RABGAP1L: variants seen among roughly 807,000 people sequenced by gnomAD.
RABGAP1L encodes the protein RAB GTPase activating protein 1 like, also known as rab GTPase-activating protein 1-like.
Under a neutral mutation model 137.7 loss-of-function variants are expected in RABGAP1L, and 63 were observed. That is an observed-to-expected ratio of 0.46 (90% CI 0.37 to 0.56). RABGAP1L has a LOEUF of 0.56. RABGAP1L is among the 20% of genes least tolerant of loss of function. The probability of loss-of-function intolerance (pLI) is 0.00; values close to 1 mark genes in which losing one functional copy is unlikely to be tolerated. For synonymous variants in RABGAP1L, 431 were observed against 433.7 expected (o/e 0.99, Z 0.08); for missense variants, 1,095 against 1,244.0 (o/e 0.88, Z 1.80).
rs1271300354 is a variant in RABGAP1L at position 174,241,664 on chromosome 1, A to G, written c.717+7A>G. The G allele has an allele frequency of 3.1e-6, 5 of 1,596,466 alleles. No homozygotes were observed. The highest frequency in any genetic ancestry group is 1.1e-5 in the South Asian group (1 of 88,940). ...CTGTGAAATTAAAGAGGCAGTAAGT[A>G]TAATATAGTATAGCAATTTGCTATA... is the stretch of plus-strand genomic sequence containing the variant. On this transcript the variant is annotated splice_region_variant and intron_variant, in intron 5 of 25. Coordinates refer to ENST00000681986, the MANE Select transcript of RABGAP1L (RefSeq NM_001366446.1).
intron 19 of RABGAP1L, chr1:174,896,852 A>T (rs1050407977): frequency 6.6e-6 from 1 of 152,124 alleles, no homozygotes; most frequent in East Asian, 1.9e-4. Flanking sequence ...GCCTTGTAGT[A>T]TAGTTTGAAG....
rs148126624 is a variant in RABGAP1L at position 174,266,648 on chromosome 1, T to C, written c.987-5766T>C. Reference sequence around the variant, plus strand: ...CATACATGATTAGTGACCAATCATGTCGCTTCTTCCAAAGTCTGTTGGTGA... The same window carrying C: ...CATACATGATTAGTGACCAATCATGCCGCTTCTTCCAAAGTCTGTTGGTGA... On this transcript the variant is annotated intron_variant, in intron 7 of 25. Coordinates refer to ENST00000681986, the MANE Select transcript of RABGAP1L (RefSeq NM_001366446.1). Among the ~76,000 whole-genome samples, 781 of 152,324 alleles carry C rather than the reference T, an allele frequency of 5.1e-3. 8 individuals carry two copies. The highest frequency in any genetic ancestry group is 0.017 in the African/African-American group (696 of 41,574).
At chr1:174,623,431 G>A (rs1672697066) in intron 13 of RABGAP1L, among the ~76,000 whole-genome samples, 1 of 152,160 alleles carries the variant, frequency 6.6e-6, no homozygotes, top group Non-Finnish European at 1.5e-5. Flanking sequence ...CATGCTCATG[G>A]AAGCTGACAG....
At chr1:174,707,496 G>A (rs1176792483) in intron 17 of RABGAP1L, among the ~76,000 whole-genome samples, 1 of 152,170 alleles carries the variant, frequency 6.6e-6, no homozygotes, top group African/African-American at 2.4e-5. Context: ...TGACATTTGA[G>A]TTAGGATATT....
intron 17 of RABGAP1L, among the ~76,000 whole-genome samples, chr1:174,729,149 A>G (rs1168062603): frequency 6.6e-6 from 1 of 152,220 alleles, no homozygotes; most frequent in Non-Finnish European, 1.5e-5. Flanking sequence ...AAGGAACAGA[A>G]TAGAGAACCC....
chr1:174,928,105 G>T (rs1378524439), intron 19 of RABGAP1L, among the ~76,000 whole-genome samples: 1 of 152,098 alleles, frequency 6.6e-6, no homozygotes, highest in Non-Finnish European at 1.5e-5. Context: ...AGCCTTGCAG[G>T]CCCTTCTTGT....
chr1:174,946,664 G>GC (rs1239157029), intron 19 of RABGAP1L, among the ~76,000 whole-genome samples: 1 of 151,810 alleles, frequency 6.6e-6, no homozygotes. Flanking sequence ...ACTTTGAGAG[G>GC]CCGAGGCAGG....
At chr1:174,562,472 A>C (rs1667286276) in intron 13 of RABGAP1L, among the ~76,000 whole-genome samples, 1 of 152,216 alleles carries the variant, frequency 6.6e-6, no homozygotes. Context: ...CTAGAACTAG[A>C]AATACCATTT....
intron 18 of RABGAP1L, among the ~76,000 whole-genome samples, chr1:174,803,066 T>G (rs1361072412): frequency 6.6e-6 from 1 of 152,194 alleles, no homozygotes; most frequent in Non-Finnish European, 1.5e-5. Context: ...TATTTTTTTT[T>G]CATCATAAAA....
intron 11 of RABGAP1L, among the ~76,000 whole-genome samples, chr1:174,315,763 C>A (rs949867718): frequency 6.6e-6 from 1 of 151,740 alleles, no homozygotes; most frequent in Non-Finnish European, 1.5e-5. Context: ...TGTTCTATAA[C>A]CTTCTTGTAC....
intron 18 of RABGAP1L, among the ~76,000 whole-genome samples, chr1:174,806,897 T>C (rs1275400202): frequency 6.6e-6 from 1 of 152,212 alleles, no homozygotes; most frequent in Non-Finnish European, 1.5e-5. Flanking sequence ...GCAATTCTCC[T>C]GCCTCAGCCT....
intron 17 of RABGAP1L, among the ~76,000 whole-genome samples, chr1:174,728,897 T>A (rs979857926): frequency 5.9e-5 from 9 of 152,114 alleles, no homozygotes; most frequent in African/African-American, 2.2e-4. Context: ...CTCCTCAGCC[T>A]CCCAAAATAC....
chr1:174,638,422 TTTTACACTG>T lies in RABGAP1L; in HGVS notation c.1824+937_1824+945del, dbSNP rs529481647. Among the ~76,000 whole-genome samples the T allele has an allele frequency of 1.5e-3, 231 of 152,198 alleles. 1 individual carries two copies. Among genetic ancestry groups the T allele is most frequent in the Non-Finnish European group, 2.4e-3 (163 of 68,010 alleles). On this transcript the variant is annotated intron_variant, in intron 14 of 25. Transcript: ENST00000681986. ...AGAGGATGTGGAGAAATAGGAACAC[TTTTACACTG>T]TTGGTGGGACTGTAAACTAGTTCAA... is the stretch of plus-strand genomic sequence containing the variant.
chr1:174,902,222 G>A (rs1448318844), intron 19 of RABGAP1L, among the ~76,000 whole-genome samples: 1 of 152,194 alleles, frequency 6.6e-6, no homozygotes, highest in Non-Finnish European at 1.5e-5. Context: ...CAGGTATGCT[G>A]TGTTGGAGGA....
intron 14 of RABGAP1L, among the ~76,000 whole-genome samples, chr1:174,677,159 C>CAAAAAAAAAAAAAAAAAAAAA (rs10636911): frequency 7.9e-6 from 1 of 126,360 alleles, no homozygotes. Flanking sequence ...CCATCTCTAC[C>CAAAAAAAAAAAAAAAAAAAAA]AAAAAAAAAA....
chr1:174,617,117 A>T lies in RABGAP1L; in HGVS notation c.1711-20258A>T, dbSNP rs146815933. Among the ~76,000 whole-genome samples, 109 of 152,344 alleles carry T rather than the reference A, an allele frequency of 7.2e-4. 1 individual carries two copies. Among genetic ancestry groups the T allele is most frequent in the African/African-American group, 2.4e-3 (101 of 41,588 alleles). ...GGATGTATATTTACCTGAGTCTTCC[A>T]GTTCTTAGAATGGTAATCCTCATTT... On this transcript the variant is annotated intron_variant, in intron 13 of 25. Transcript: ENST00000681986.
intron 13 of RABGAP1L, among the ~76,000 whole-genome samples, chr1:174,507,325 G>A (rs1198814597): frequency 1.3e-5 from 2 of 152,044 alleles, no homozygotes; most frequent in Admixed American, 1.3e-4. Flanking sequence ...GTTAGAATTA[G>A]GCTTGTTGGT....
At chr1:174,651,881 A>G (rs1675533137) in intron 14 of RABGAP1L, among the ~76,000 whole-genome samples, 1 of 152,134 alleles carries the variant, frequency 6.6e-6, no homozygotes, top group African/African-American at 2.4e-5. Context: ...TGTCATTATG[A>G]TGTTAGGTGG....
At chr1:174,791,058 G>A (rs1160679392) in intron 18 of RABGAP1L, among the ~76,000 whole-genome samples, 1 of 151,926 alleles carries the variant, frequency 6.6e-6, no homozygotes, top group African/African-American at 2.4e-5. Flanking sequence ...TGGCGTGCTG[G>A]CACGTGCCTG....
Sources: allele counts gnomAD v4.1 joint callset (sites outside exome capture counted in the v4.1 genomes callset), GRCh38; gene constraint gnomAD v4.1.1; transcripts MANE v1.5; gene names NCBI Gene and HGNC (gene_info 2026-07-23, HGNC 2026-07-21).